Variants in CPT1A observed in about 807,000 individuals in gnomAD.
The protein encoded by CPT1A is carnitine O-palmitoyltransferase 1, liver isoform.
In CPT1A, 64 loss-of-function variants were observed where a neutral mutation model predicts 100.8. That is an observed-to-expected ratio of 0.63 (90% CI 0.52 to 0.78). CPT1A has a LOEUF of 0.78. CPT1A is among the 30% of genes least tolerant of loss of function. CPT1A has a pLI of 0.00. For synonymous variants in CPT1A, 363 were observed against 396.0 expected (o/e 0.92, Z 0.99); for missense variants, 802 against 1,034.1 (o/e 0.78, Z 3.08).
intron 7 of CPT1A, 65 bp downstream of exon 7, chr11:68,796,791 C>T (rs1855764227): frequency 1.3e-6 from 2 of 1,518,908 alleles, no homozygotes; most frequent in Non-Finnish European, 1.8e-6. Flanking sequence ...GAAGACGCCA[C>T]CTCTGTGGAC....
At position 68,759,666 on chromosome 11, in the gene CPT1A, A is replaced by T. The variant is rs372915157; in HGVS notation, c.2143-5T>A. 2 of 1,601,736 alleles carry T rather than the reference A, an allele frequency of 1.2e-6. No homozygotes were observed. Among genetic ancestry groups the T allele is most frequent in the Non-Finnish European group, 1.7e-6 (2 of 1,168,852 alleles). On this transcript the variant is annotated splice_region_variant and splice_polypyrimidine_tract_variant and intron_variant, in intron 17 of 18. Coordinates refer to ENST00000265641, the MANE Select transcript of CPT1A (RefSeq NM_001876.4). Reference sequence around the variant, plus strand: ...ACCATAGCCGTCATCAGCAACCTGGAGGACAAGGGAATTTGAATTTGTTGC... The same window carrying T: ...ACCATAGCCGTCATCAGCAACCTGGTGGACAAGGGAATTTGAATTTGTTGC...
intron 1 of CPT1A, among the ~76,000 whole-genome samples, chr11:68,823,790 A>AAAAG (rs113830868): frequency 0.1 from 15,775 of 151,154 alleles, 826 homozygotes; most frequent in Non-Finnish European, 0.11. Flanking sequence ...ACTCTGTCTC[A>AAAAG]AAAGAAAGAA....
chr11:68,817,752 G>A (rs540158131), intron 1 of CPT1A, among the ~76,000 whole-genome samples: 2 of 144,374 alleles, frequency 1.4e-5, no homozygotes, highest in Admixed American at 6.9e-5. Context: ...CAGGCTGTTG[G>A]GGGGGGGTCA....
At chr11:68,804,551 GCA>G (rs199634020) in intron 4 of CPT1A, among the ~76,000 whole-genome samples, 3,428 of 152,114 alleles carry the variant, frequency 0.023, 120 homozygotes, top group African/African-American at 0.077. Context: ...TCATACCACT[GCA>G]CTCCAGCCTG....
chr11:68,813,152 T>G (rs1176725337), intron 2 of CPT1A, among the ~76,000 whole-genome samples: 1 of 152,044 alleles, frequency 6.6e-6, no homozygotes, highest in Non-Finnish European at 1.5e-5. Context: ...TTCACTCTTG[T>G]GTATGTTTGA....
intron 4 of CPT1A, among the ~76,000 whole-genome samples, chr11:68,806,633 GAA>G (rs775579381): frequency 0.28 from 26,071 of 92,398 alleles, 2,963 homozygotes; most frequent in African/African-American, 0.4. Flanking sequence ...GTCTCAAAAA[GAA>G]AAAAAAAAAA....
intron 1 of CPT1A, among the ~76,000 whole-genome samples, chr11:68,829,802 G>A (rs903602875): frequency 4.6e-5 from 7 of 152,060 alleles, no homozygotes; most frequent in African/African-American, 9.7e-5. Flanking sequence ...GGAGTAAATC[G>A]GAGGTGGCGG....
chr11:68,822,523 T>C (rs1856611035), intron 1 of CPT1A, among the ~76,000 whole-genome samples: 1 of 149,210 alleles, frequency 6.7e-6, no homozygotes, highest in South Asian at 2.1e-4. Context: ...ACAGGGGAGA[T>C]CCTGTCTTAA....
chr11:68,790,585 TCCCC>T (rs2153999238), intron 9 of CPT1A, among the ~76,000 whole-genome samples: 1 of 152,066 alleles, frequency 6.6e-6, no homozygotes, highest in South Asian at 2.1e-4. Context: ...CATAAAGGCC[TCCCC>T]CAGAGCCTTT....
At chr11:68,783,424 C>T (rs985184796) in intron 10 of CPT1A, among the ~76,000 whole-genome samples, 17 of 152,140 alleles carry the variant, frequency 1.1e-4, no homozygotes, top group African/African-American at 3.1e-4. Flanking sequence ...TCTGCTACCC[C>T]GGGGCATGCG....
intron 1 of CPT1A, among the ~76,000 whole-genome samples, chr11:68,835,758 C>A (rs1418511677): frequency 1.3e-5 from 2 of 152,204 alleles, no homozygotes; most frequent in East Asian, 3.8e-4. Flanking sequence ...GCCCAGTGGT[C>A]TGGGAAGCAG....
chr11:68,793,527 C>T (rs1480702474), intron 8 of CPT1A, 125 bp from the exon 9 acceptor site: 12 of 672,664 alleles, frequency 1.8e-5, no homozygotes, highest in African/African-American at 9.0e-5. Flanking sequence ...GGGCGGATCA[C>T]GAGGTCAGTA....
intron 6 of CPT1A, among the ~76,000 whole-genome samples, chr11:68,798,447 CCTT>C (rs1343396238): frequency 2.0e-5 from 3 of 152,254 alleles, no homozygotes; most frequent in East Asian, 3.9e-4. Flanking sequence ...GCTTTGGACA[CCTT>C]CTCTTCCGTG....
chr11:68,767,106 A>C (rs1346028036), intron 14 of CPT1A, among the ~76,000 whole-genome samples: 5 of 152,176 alleles, frequency 3.3e-5, no homozygotes, highest in Non-Finnish European at 7.3e-5. Flanking sequence ...CATGTCACAA[A>C]GTATTGGTCG....
intron 1 of CPT1A, among the ~76,000 whole-genome samples, chr11:68,817,796 C>G (rs115030453): frequency 8.3e-6 from 1 of 120,004 alleles, no homozygotes; most frequent in African/African-American, 3.4e-5. Flanking sequence ...AGCAGGCCAG[C>G]GGGGTCAAGG....
chr11:68,801,320 G>A (rs969549223), intron 5 of CPT1A, among the ~76,000 whole-genome samples: 3 of 152,086 alleles, frequency 2.0e-5, no homozygotes, highest in African/African-American at 4.8e-5. Flanking sequence ...ATTTGCAAGC[G>A]TGGGCACAGA....
intron 1 of CPT1A, among the ~76,000 whole-genome samples, chr11:68,826,395 G>A (rs1321089353): frequency 1.3e-5 from 2 of 151,144 alleles, no homozygotes; most frequent in South Asian, 2.1e-4. Context: ...GCAGTGAGCC[G>A]AGACCAGGCC....
At chr11:68,776,377 C>T (rs188642719) in intron 12 of CPT1A, among the ~76,000 whole-genome samples, 310 of 151,870 alleles carry the variant, frequency 2.0e-3, no homozygotes, top group Non-Finnish European at 1.8e-3. Context: ...CCAGCCTGAG[C>T]GACAGAGCAA....
At chr11:68,835,247 C>T (rs1856980705) in intron 1 of CPT1A, among the ~76,000 whole-genome samples, 2 of 152,212 alleles carry the variant, frequency 1.3e-5, no homozygotes, top group African/African-American at 2.4e-5. Context: ...CTGCCTCTAG[C>T]CAGCATCGGC....
Sources: allele counts gnomAD v4.1 joint callset (sites outside exome capture counted in the v4.1 genomes callset), GRCh38; gene constraint gnomAD v4.1.1; transcripts MANE v1.5; gene names NCBI Gene and HGNC (gene_info 2026-07-23, HGNC 2026-07-21).